Variants in SKIC2 observed in about 807,000 individuals in gnomAD.
SKIC2 encodes superkiller complex protein 2.
At chr6:31,966,263 A>ATTTTTTTTT in the SKIC2 span, among the ~76,000 whole-genome samples, 7 of 142,460 alleles carry the variant, frequency 4.9e-5, no homozygotes, top group Non-Finnish European at 1.1e-4. The surrounding 1 kb of genome is among the most constrained non-coding windows in gnomAD (Gnocchi z 5.9). Flanking sequence ...GGCCTGGCTA[A>ATTTTTTTTT]TTTTTTTTTT....
chr6:31,968,683 C>G, the SKIC2 span: 1 of 1,609,638 alleles, frequency 6.2e-7, no homozygotes, highest in Non-Finnish European at 8.5e-7. This position sits in a 1 kb window ranked among gnomAD's most constrained non-coding sequence, Gnocchi z 6.1. Context: ...TGGCTCTCTG[C>G]AGTACCTGAA....
the SKIC2 span, among the ~76,000 whole-genome samples, chr6:31,964,527 T>C: frequency 1.3e-5 from 2 of 152,192 alleles, no homozygotes; most frequent in Non-Finnish European, 2.9e-5. The surrounding 1 kb of genome is among the most constrained non-coding windows in gnomAD (Gnocchi z 5.0). Context: ...CCTGGACCAA[T>C]TATTTAACCT....
chr6:31,964,082 G>A, the SKIC2 span: 18 of 1,612,368 alleles, frequency 1.1e-5, no homozygotes, highest in African/African-American at 1.3e-5. The surrounding 1 kb of genome is among the most constrained non-coding windows in gnomAD (Gnocchi z 5.0). Context: ...TTCCTGCAGC[G>A]CTGCCTTGCT....
the SKIC2 span, chr6:31,966,943 G>A: frequency 6.2e-6 from 10 of 1,613,184 alleles, no homozygotes; most frequent in Admixed American, 1.7e-5. The surrounding 1 kb of genome is among the most constrained non-coding windows in gnomAD (Gnocchi z 5.9). Context: ...TTGAGGGTGG[G>A]GAGTGTGACA....
the SKIC2 span, chr6:31,968,282 G>A: frequency 2.0e-5 from 31 of 1,535,070 alleles, no homozygotes; most frequent in Non-Finnish European, 2.7e-5. The surrounding 1 kb of genome is among the most constrained non-coding windows in gnomAD (Gnocchi z 6.1). Context: ...GGCTTCTGGG[G>A]GAGAGAAGAT....
chr6:31,963,066 G>A, the SKIC2 span: 7 of 1,612,610 alleles, frequency 4.3e-6, no homozygotes, highest in African/African-American at 1.3e-5. This position sits in a 1 kb window ranked among gnomAD's most constrained non-coding sequence, Gnocchi z 5.3. Context: ...CGTCCCCAAC[G>A]CCCTTGAGTT....
chr6:31,959,440 T>G, the SKIC2 span: 1 of 1,359,586 alleles, frequency 7.4e-7, no homozygotes, highest in East Asian at 2.3e-5. Flanking sequence ...CCGCATTGAG[T>G]CCAAACCTCC....
chr6:31,960,780 G>A, the SKIC2 span: 1 of 1,446,920 alleles, frequency 6.9e-7, no homozygotes, highest in South Asian at 1.4e-5. Flanking sequence ...AGGAGGAAGA[G>A]CCCAGGCTAT....
the SKIC2 span, chr6:31,962,477 A>G: frequency 6.2e-7 from 1 of 1,614,190 alleles, no homozygotes; most frequent in Non-Finnish European, 8.5e-7. This position sits in a 1 kb window ranked among gnomAD's most constrained non-coding sequence, Gnocchi z 5.0. Context: ...CTGAGCAACC[A>G]GAAGTTCCGG....
At chr6:31,959,949 C>T in the SKIC2 span, 1 of 1,220,756 alleles carries the variant, frequency 8.2e-7, no homozygotes. Context: ...CCCATCATCT[C>T]TTTTGTCTGC....
the SKIC2 span, chr6:31,966,972 C>T: frequency 6.2e-7 from 1 of 1,613,066 alleles, no homozygotes; most frequent in Non-Finnish European, 8.5e-7. The surrounding 1 kb of genome is among the most constrained non-coding windows in gnomAD (Gnocchi z 5.9). Context: ...CTGGAGACTC[C>T]CCTTTCACAG....
At chr6:31,967,450 C>T in the SKIC2 span, 1 of 1,254,210 alleles carries the variant, frequency 8.0e-7, no homozygotes, top group Middle Eastern at 2.0e-4. This position sits in a 1 kb window ranked among gnomAD's most constrained non-coding sequence, Gnocchi z 4.9. Context: ...CCCACTTGGC[C>T]AGGGCAGGTT....
the SKIC2 span, chr6:31,969,001 G>A: frequency 3.1e-6 from 5 of 1,612,842 alleles, no homozygotes; most frequent in South Asian, 2.2e-5. This position sits in a 1 kb window ranked among gnomAD's most constrained non-coding sequence, Gnocchi z 6.1. Flanking sequence ...AGCACCCTGC[G>A]GCCTGAGGAG....
chr6:31,965,876 T>C, the SKIC2 span: 1 of 1,613,062 alleles, frequency 6.2e-7, no homozygotes, highest in Non-Finnish European at 8.5e-7. The surrounding 1 kb of genome is among the most constrained non-coding windows in gnomAD (Gnocchi z 5.6). Flanking sequence ...TGGCTCCACC[T>C]TCCGGGACCT....
chr6:31,964,146 G>A, the SKIC2 span: 19 of 1,611,656 alleles, frequency 1.2e-5, no homozygotes, highest in Middle Eastern at 4.9e-4. The surrounding 1 kb of genome is among the most constrained non-coding windows in gnomAD (Gnocchi z 5.0). Flanking sequence ...GTGCGTCTGT[G>A]TGCGTGCATG....
the SKIC2 span, chr6:31,967,009 T>G: frequency 6.2e-7 from 1 of 1,612,960 alleles, no homozygotes; most frequent in Non-Finnish European, 8.5e-7. This position sits in a 1 kb window ranked among gnomAD's most constrained non-coding sequence, Gnocchi z 4.9. Flanking sequence ...CCAAGGCCCA[T>G]GAACAGGCCC....
the SKIC2 span, chr6:31,969,568 C>T: frequency 8.1e-6 from 13 of 1,613,922 alleles, no homozygotes; most frequent in Non-Finnish European, 1.1e-5. The surrounding 1 kb of genome is among the most constrained non-coding windows in gnomAD (Gnocchi z 6.1). Context: ...TGGTGGTCCG[C>T]TGCATTCAGC....
the SKIC2 span, chr6:31,962,855 C>A: frequency 7.2e-7 from 1 of 1,382,532 alleles, no homozygotes; most frequent in Non-Finnish European, 1.0e-6. The surrounding 1 kb of genome is among the most constrained non-coding windows in gnomAD (Gnocchi z 5.0). Flanking sequence ...ACCAGTTGAG[C>A]GTCTCCCTTA....
At chr6:31,960,450 A>G in the SKIC2 span, 107 of 1,613,860 alleles carry the variant, frequency 6.6e-5, no homozygotes, top group African/African-American at 1.7e-4. Context: ...GGAGAACACA[A>G]ATCTCTCGGC....
Sources: allele counts gnomAD v4.1 joint callset (sites outside exome capture counted in the v4.1 genomes callset), GRCh38; gene constraint gnomAD v4.1.1; non-coding constraint Gnocchi (gnomAD v3.1); transcripts MANE v1.5; gene names NCBI Gene and HGNC (gene_info 2026-07-23, HGNC 2026-07-21).